UBA6: variants seen among roughly 807,000 people sequenced by gnomAD.
UBA6 encodes ubiquitin-like modifier-activating enzyme 6.
In UBA6, 87 loss-of-function variants were observed where a neutral mutation model predicts 148.3. That is an observed-to-expected ratio of 0.59 (90% CI 0.49 to 0.70). The LOEUF is 0.70. UBA6 is among the 30% of genes least tolerant of loss of function. UBA6 has a pLI of 0.00. For missense variants in UBA6, 1,186 were observed against 1,241.2 expected, an observed-to-expected ratio of 0.96 and a Z score of 0.67; for synonymous variants, 376 against 401.0, an observed-to-expected ratio of 0.94 and a Z score of 0.75.
rs1728574030 is a variant in UBA6 at position 67,613,462 on chromosome 4, A to G, written c.*5535T>C. The stretch of plus-strand genomic sequence containing the variant: ...CAGATAAGAAATTGAAAATTTCAGC[A>G]AGACAATTAGAAACTGCAGGAGTGA... On this transcript the variant is annotated 3_prime_UTR_variant, in exon 33 of 33. Coordinates refer to ENST00000322244, the MANE Select transcript of UBA6 (RefSeq NM_018227.6). 1.3e-5 allele frequency: 2 copies of G among 152,246 alleles called. No homozygotes were observed. 9.4% of individuals were successfully genotyped at this position (152,246 alleles called of 1,614,324 possible).
intron 32 of UBA6, 114 bp downstream of exon 32, chr4:67,622,717 G>C (rs1175648602): frequency 9.6e-6 from 7 of 731,714 alleles, no homozygotes; most frequent in African/African-American, 1.8e-5. Context: ...AATGTCATTA[G>C]ACAAGACTAA....
At chr4:67,622,174 T>A (rs1319873777) in intron 32 of UBA6, among the ~76,000 whole-genome samples, 1 of 151,260 alleles carries the variant, frequency 6.6e-6, no homozygotes, top group Non-Finnish European at 1.5e-5. Flanking sequence ...AAATTTAGAG[T>A]CTTGCAGACC....
chr4:67,683,888 C>A (rs1321789923), intron 2 of UBA6, among the ~76,000 whole-genome samples: 2 of 152,046 alleles, frequency 1.3e-5, no homozygotes, highest in Admixed American at 1.3e-4. Context: ...GCCTGGGCAA[C>A]ACAGCAAAAC....
chr4:67,622,897 A>G lies in UBA6; in HGVS notation c.2957T>C (p.Val986Ala). The G allele has an allele frequency of 6.2e-7, 1 of 1,612,422 alleles. No homozygotes were observed. The highest frequency in any genetic ancestry group is 8.5e-7 in the Non-Finnish European group (1 of 1,179,384). The change falls in exon 32 of 33, where the codon GTG (valine) becomes GCG (alanine). Residue 986 changes from valine to alanine, a missense_variant. Physicochemically the swap from Val to Ala is moderately conservative, Grantham distance 64. Coordinates refer to ENST00000322244, the MANE Select transcript of UBA6 (RefSeq NM_018227.6). The stretch of plus-strand genomic sequence containing the variant: ...ATAAAGCATTTTGACTCCCTGTACC[A>G]CCATTGTTGGCTCAATTCCATACTT... ...KEKYGIEPTMVVQGVKMLYVP... is the reference protein window; with the variant it reads ...KEKYGIEPTMAVQGVKMLYVP...
At chr4:67,677,827 T>A (rs1234296276) in intron 5 of UBA6, 105 bp from the exon 6 acceptor site, 1 of 554,724 alleles carries the variant, frequency 1.8e-6, no homozygotes, top group Non-Finnish European at 3.1e-6. Context: ...TGTTACAAAA[T>A]TTCAATGGAA....
chr4:67,667,468 AAC>A (rs1403616095), intron 9 of UBA6, among the ~76,000 whole-genome samples: 2 of 152,172 alleles, frequency 1.3e-5, no homozygotes, highest in African/African-American at 2.4e-5. Context: ...GTTATCTATA[AAC>A]AGTTTGTAAT....
Position 67,632,022 on chromosome 4 carries a change from A to T in UBA6, c.2143-114T>A. On this transcript the variant is annotated intron_variant, in intron 23 of 32. Coordinates refer to ENST00000322244, the MANE Select transcript of UBA6 (RefSeq NM_018227.6). Reference sequence around the variant, plus strand: ...AATATATGCACATGATTCAAAAATCAAAACACATTAAAAGAGACACAGTGA... The same window carrying T: ...AATATATGCACATGATTCAAAAATCTAAACACATTAAAAGAGACACAGTGA... The T allele has an allele frequency of 3.2e-6, 3 of 949,862 alleles. No individual in the cohort carries two copies. The South Asian group carries it at 5.4e-5, about 17-fold the overall frequency. The allele number at this position is 949,862 out of a possible 1,614,324, so 58.8% of individuals were successfully genotyped here.
intron 13 of UBA6, among the ~76,000 whole-genome samples, chr4:67,650,124 A>G (rs1729517581): frequency 6.6e-6 from 1 of 152,136 alleles, no homozygotes; most frequent in Non-Finnish European, 1.5e-5. Flanking sequence ...AAATTCTGCA[A>G]TTTTTGAATG....
chr4:67,688,252 A>G (rs879550195), intron 2 of UBA6, among the ~76,000 whole-genome samples: 2 of 152,218 alleles, frequency 1.3e-5, no homozygotes, highest in Non-Finnish European at 2.9e-5. Context: ...ATCACATTCA[A>G]TGGAGGGTAC....
chr4:67,701,017 A>AC (rs1163155955), intron 1 of UBA6, 32 bp downstream of exon 1: 1 of 1,611,170 alleles, frequency 6.2e-7, no homozygotes. Flanking sequence ...CCCACCCGCG[A>AC]CCCCTCACCT....
rs1261518554 is a variant in UBA6, at chr4:67,634,269, G to A, written c.1986C>T (p.Thr662=). 2.5e-6 allele frequency: 4 copies of A among 1,596,250 alleles called. No individual in the cohort carries two copies. Among genetic ancestry groups the A allele is most frequent in the Admixed American group, 3.6e-5 (2 of 55,574 alleles). ...GTAAGACTTCTTCTGCAGATGAATAGGTTTGCCAAAATTTGTTAAACAATG... is the reference window on the plus strand; with the variant it reads ...GTAAGACTTCTTCTGCAGATGAATAAGTTTGCCAAAATTTGTTAAACAATG... ...KPSLFNKFWQ[T]YSSAEEVLQK... is the part of the protein sequence containing the mutation. Residue 662 remains threonine (T), a synonymous_variant, in exon 22 of 33, where the codon ACC becomes ACT. Transcript: ENST00000322244.
At chr4:67,683,475 C>T (rs1730488251) in intron 2 of UBA6, among the ~76,000 whole-genome samples, 1 of 152,156 alleles carries the variant, frequency 6.6e-6, no homozygotes, top group Non-Finnish European at 1.5e-5. Context: ...GCTTGTCCAA[C>T]CCACGGTCCA....
At chr4:67,654,299 T>A (rs1331997412) in intron 13 of UBA6, among the ~76,000 whole-genome samples, 2 of 152,180 alleles carry the variant, frequency 1.3e-5, no homozygotes, top group African/African-American at 4.8e-5. Flanking sequence ...GAGATTGGGT[T>A]ACCCACAAAG....
chr4:67,653,452 A>G (rs1288982691), intron 13 of UBA6, among the ~76,000 whole-genome samples: 9 of 152,222 alleles, frequency 5.9e-5, no homozygotes, highest in Admixed American at 5.9e-4. Flanking sequence ...CCTGACTGTT[A>G]GAAGGAAAAC....
At chr4:67,628,504 A>G (rs900970796) in intron 27 of UBA6, among the ~76,000 whole-genome samples, 4 of 148,558 alleles carry the variant, frequency 2.7e-5, no homozygotes, top group Admixed American at 6.8e-5. Context: ...CTTCCATCCC[A>G]TATAAAATTA....
intron 13 of UBA6, 105 bp downstream of exon 13, chr4:67,662,084 C>T: frequency 1.8e-6 from 2 of 1,109,806 alleles, no homozygotes; most frequent in Non-Finnish European, 2.7e-6. Context: ...TGTCTAATGC[C>T]ACAGAGTAGC....
intron 17 of UBA6, 41 bp from the exon 18 acceptor site, chr4:67,641,269 C>A: frequency 1.7e-6 from 2 of 1,172,774 alleles, no homozygotes; most frequent in Admixed American, 4.5e-5. Flanking sequence ...ATAATGGATA[C>A]CTTTTAATCT....
chr4:67,645,596 C>CAAA (rs199765929), intron 16 of UBA6, among the ~76,000 whole-genome samples: 92 of 133,446 alleles, frequency 6.9e-4, no homozygotes, highest in African/African-American at 2.5e-3. Flanking sequence ...GACTTTGTCT[C>CAAA]AGAAAAAAAA....
At chr4:67,630,585 C>A in intron 25 of UBA6, 50 bp from the exon 26 acceptor site, 2 of 1,145,222 alleles carry the variant, frequency 1.7e-6, no homozygotes, top group Admixed American at 2.4e-5. Context: ...GTTTTAAAGA[C>A]GATATTTAAC....
Sources: allele counts gnomAD v4.1 joint callset (sites outside exome capture counted in the v4.1 genomes callset), GRCh38; gene constraint gnomAD v4.1.1; transcripts MANE v1.5; gene names NCBI Gene and HGNC (gene_info 2026-07-23, HGNC 2026-07-21).